The following STRN3 variants were observed in gnomAD, a reference collection of about 807,000 sequenced individuals.
STRN3 encodes the protein striatin 3.
Under a neutral mutation model 95.6 loss-of-function variants are expected in STRN3, and 29 were observed. The observed-to-expected ratio is 0.30, with a 90% CI of 0.23 to 0.41. The LOEUF (loss-of-function observed/expected upper bound fraction) is 0.41, where lower values mean the gene tolerates loss of function less well. STRN3 is among the 10% of genes least tolerant of loss of function. STRN3 has a pLI of 1.00. For synonymous variants in STRN3, 331 were observed against 357.6 expected, an observed-to-expected ratio of 0.93 and a Z score of 0.84; for missense variants, 890 against 972.1, an observed-to-expected ratio of 0.92 and a Z score of 1.12.
intron 7 of STRN3, chr14:30,931,903 G>A (rs1878556142): frequency 1.3e-5 from 2 of 152,052 alleles, no homozygotes; most frequent in Admixed American, 6.5e-5. Context: ...TCTAATGTGA[G>A]TAAGGACTAG....
At chr14:30,918,007 A>C (rs973506664) in intron 9 of STRN3, among the ~76,000 whole-genome samples, 2 of 152,328 alleles carry the variant, frequency 1.3e-5, no homozygotes, top group Admixed American at 6.5e-5. Flanking sequence ...ATTCAAGTAT[A>C]CCCATATATC....
chr14:30,985,237 G>A (rs1411899735), intron 1 of STRN3, among the ~76,000 whole-genome samples: 1 of 150,102 alleles, frequency 6.7e-6, no homozygotes, highest in African/African-American at 2.5e-5. Context: ...GAACCTAGGA[G>A]GCAGAGGTTG....
rs367622422 is a variant in STRN3 at position 31,025,907 on chromosome 14, C to A, written c.279G>T (p.Leu93=). The stretch of plus-strand genomic sequence containing the variant: ...CACACCGACCCCAACGAGGTACCTG[C>A]AGTTCGGCCCGTTCCACCTCCCAGT... The part of the protein sequence containing the change: ...RAHWEVERAE[L]QARIAFLQGE... Residue 93 remains leucine, a synonymous_variant, in exon 1 of 18, where the codon CTG becomes CTT. Coordinates refer to ENST00000357479, the MANE Select transcript of STRN3 (RefSeq NM_001083893.2). 1.0e-5 allele frequency: 16 copies of A among 1,600,574 alleles called. No individual in the cohort carries two copies. The African/African-American group carries it at 1.9e-4, about 19-fold the overall frequency.
chr14:30,935,530 G>A (rs1878776416), intron 6 of STRN3, among the ~76,000 whole-genome samples: 1 of 152,140 alleles, frequency 6.6e-6, no homozygotes, highest in African/African-American at 2.4e-5. Flanking sequence ...TGGTTTAAAT[G>A]CTAATCATCA....
intron 1 of STRN3, among the ~76,000 whole-genome samples, chr14:30,996,422 C>T (rs1321420455): frequency 6.6e-6 from 1 of 152,178 alleles, no homozygotes; most frequent in Non-Finnish European, 1.5e-5. Context: ...AAGGGTCACA[C>T]AGTAAATATA....
chr14:30,968,453 G>A (rs780142157), intron 1 of STRN3, among the ~76,000 whole-genome samples: 16 of 151,518 alleles, frequency 1.1e-4, no homozygotes, highest in Admixed American at 2.6e-4. Flanking sequence ...AGGCCGAGGC[G>A]GGCGGATCAC....
intron 1 of STRN3, among the ~76,000 whole-genome samples, chr14:31,019,493 G>A (rs1277171504): frequency 6.6e-6 from 1 of 151,976 alleles, no homozygotes; most frequent in Admixed American, 6.6e-5. Flanking sequence ...ATTAAAGGAG[G>A]GTTATATATA....
At chr14:30,930,303 A>G in intron 7 of STRN3, among the ~76,000 whole-genome samples, 1 of 152,136 alleles carries the variant, frequency 6.6e-6, no homozygotes, top group East Asian at 1.9e-4. Context: ...CTGACTTGTT[A>G]AGTTTTTGAT....
At chr14:30,968,250 A>G (rs1193354078) in intron 1 of STRN3, among the ~76,000 whole-genome samples, 7 of 151,806 alleles carry the variant, frequency 4.6e-5, no homozygotes, top group Non-Finnish European at 2.9e-5. Context: ...GTCCACCAAC[A>G]TGAAGTTCAC....
At chr14:30,916,807 G>A (rs1329109406) in intron 9 of STRN3, among the ~76,000 whole-genome samples, 1 of 152,064 alleles carries the variant, frequency 6.6e-6, no homozygotes, top group Non-Finnish European at 1.5e-5. Flanking sequence ...AGTATAACGG[G>A]TCTATAAAAT....
intron 1 of STRN3, among the ~76,000 whole-genome samples, chr14:30,959,437 C>A (rs1392496249): frequency 6.6e-6 from 1 of 152,104 alleles, no homozygotes; most frequent in Non-Finnish European, 1.5e-5. Flanking sequence ...TGGAACTGAC[C>A]TTATGACCTC....
At chr14:30,977,505 G>A (rs1361493205) in intron 1 of STRN3, among the ~76,000 whole-genome samples, 5 of 151,548 alleles carry the variant, frequency 3.3e-5, no homozygotes, top group East Asian at 1.9e-4. Flanking sequence ...AAATGAGGCC[G>A]GGCATGGTGG....
chr14:30,982,917 G>A (rs1881482504), intron 1 of STRN3, among the ~76,000 whole-genome samples: 1 of 152,052 alleles, frequency 6.6e-6, no homozygotes, highest in African/African-American at 2.4e-5. Context: ...ATTTACCCAT[G>A]TAATAATAAA....
At chr14:31,017,147 C>T (rs1225730989) in intron 1 of STRN3, among the ~76,000 whole-genome samples, 4 of 151,922 alleles carry the variant, frequency 2.6e-5, no homozygotes, top group African/African-American at 9.7e-5. Flanking sequence ...GACTGAGACC[C>T]TGTCTCAAAT....
chr14:30,958,064 T>A (rs1391440037), intron 1 of STRN3, among the ~76,000 whole-genome samples: 1 of 152,240 alleles, frequency 6.6e-6, no homozygotes, highest in Non-Finnish European at 1.5e-5. Flanking sequence ...TATGAAATTA[T>A]CTACAACTTC....
intron 9 of STRN3, among the ~76,000 whole-genome samples, chr14:30,918,646 TTTTAAG>T (rs1383826608): frequency 2.6e-5 from 4 of 152,210 alleles, no homozygotes; most frequent in Non-Finnish European, 5.9e-5. Flanking sequence ...ATATGTATTA[TTTTAAG>T]TTTGTTTTTA....
chr14:30,902,667 A>C, intron 15 of STRN3, 24 bp from the exon 16 acceptor site: 2 of 1,462,536 alleles, frequency 1.4e-6, no homozygotes, highest in Non-Finnish European at 1.9e-6. Flanking sequence ...GAAGACAATA[A>C]GTTAAAATTC....
At chr14:30,961,439 C>T (rs767203907) in intron 1 of STRN3, among the ~76,000 whole-genome samples, 8 of 152,180 alleles carry the variant, frequency 5.3e-5, no homozygotes, top group African/African-American at 1.4e-4. Flanking sequence ...AAATTCCTAT[C>T]GCCTAGTGAA....
intron 1 of STRN3, among the ~76,000 whole-genome samples, chr14:31,011,604 A>G (rs12889381): frequency 0.2 from 30,467 of 151,910 alleles, 3,438 homozygotes; most frequent in Non-Finnish European, 0.26. Flanking sequence ...GATCATGCCA[A>G]TGCACTCCAG....
Sources: gnomAD v4.1 joint callset for allele counts (sites outside exome capture counted in the v4.1 genomes callset) on GRCh38, gnomAD v4.1.1 for gene constraint, MANE v1.5 for transcripts, NCBI Gene and HGNC (gene_info 2026-07-23, HGNC 2026-07-21) for gene names.